Variants in ANKRD13C observed in about 807,000 individuals in gnomAD.
ANKRD13C encodes the protein ankyrin repeat domain-containing protein 13C.
ANKRD13C carries 16 observed loss-of-function variants against 65.5 expected under a neutral mutation model. The ratio of observed to expected loss-of-function variants is 0.24; its 90% CI spans 0.17 to 0.37. ANKRD13C has a LOEUF of 0.37. Ranked by LOEUF, ANKRD13C falls within the 10% of genes least tolerant of loss-of-function variation. The pLI is 1.00. For missense variants in ANKRD13C, 503 were observed against 655.9 expected (o/e 0.77, Z 2.55); for synonymous variants, 235 against 238.7 (o/e 0.98, Z 0.14).
At chr1:70,353,369 A>G (rs942170443) in intron 1 of ANKRD13C, among the ~76,000 whole-genome samples, 2 of 152,234 alleles carry the variant, frequency 1.3e-5, no homozygotes, top group East Asian at 1.9e-4. Flanking sequence ...GCAAAAAATC[A>G]AATCTCTACT....
chr1:70,272,869 T>G (rs1241308407), intron 11 of ANKRD13C, among the ~76,000 whole-genome samples: 3 of 152,026 alleles, frequency 2.0e-5, no homozygotes, highest in African/African-American at 7.2e-5. Context: ...ATGCCTGTAG[T>G]CCCAGCTAGT....
At chr1:70,299,945 T>C (rs1024829897) in intron 7 of ANKRD13C, among the ~76,000 whole-genome samples, 1 of 152,176 alleles carries the variant, frequency 6.6e-6, no homozygotes, top group African/African-American at 2.4e-5. Flanking sequence ...GGCATATCAA[T>C]GGTTTTTTAA....
intron 2 of ANKRD13C, among the ~76,000 whole-genome samples, chr1:70,333,927 T>C (rs1012886040): frequency 6.6e-6 from 1 of 152,154 alleles, no homozygotes; most frequent in African/African-American, 2.4e-5. Context: ...AATACTTCTT[T>C]ACTTAGAAGT....
chr1:70,280,849 G>A (rs1679355535), intron 9 of ANKRD13C, among the ~76,000 whole-genome samples: 3 of 152,112 alleles, frequency 2.0e-5, no homozygotes, highest in African/African-American at 7.2e-5. Context: ...GTGTATTTAG[G>A]AAGCTATCTC....
intron 3 of ANKRD13C, among the ~76,000 whole-genome samples, chr1:70,324,015 C>T (rs1343454026): frequency 3.3e-5 from 5 of 152,090 alleles, no homozygotes; most frequent in South Asian, 4.1e-4. Flanking sequence ...CGTGAGCCAC[C>T]GTGCCCAGCC....
chr1:70,325,044 T>G (rs1681470898), intron 2 of ANKRD13C, 87 bp from the exon 3 acceptor site: 18 of 859,856 alleles, frequency 2.1e-5, no homozygotes, highest in Non-Finnish European at 2.9e-5. Context: ...ATAAACCAAA[T>G]TAACATAAAT....
At chr1:70,306,579 T>C (rs1680593975) in intron 5 of ANKRD13C, among the ~76,000 whole-genome samples, 1 of 152,180 alleles carries the variant, frequency 6.6e-6, no homozygotes, top group African/African-American at 2.4e-5. Flanking sequence ...CTGCATATTA[T>C]AGATGAGTAA....
At chr1:70,323,196 T>C (rs528869040) in intron 3 of ANKRD13C, among the ~76,000 whole-genome samples, 2 of 152,294 alleles carry the variant, frequency 1.3e-5, no homozygotes, top group East Asian at 3.9e-4. Context: ...AGGATTAGTA[T>C]TGTTTCTTGC....
chr1:70,334,455 T>C (rs1038919739), intron 2 of ANKRD13C, among the ~76,000 whole-genome samples: 8 of 152,006 alleles, frequency 5.3e-5, no homozygotes, highest in Admixed American at 3.9e-4. Flanking sequence ...AGTGAGAACC[T>C]GTCTCTACAT....
intron 12 of ANKRD13C, among the ~76,000 whole-genome samples, chr1:70,263,244 T>A (rs188939310): frequency 6.6e-6 from 1 of 152,316 alleles, no homozygotes; most frequent in African/African-American, 2.4e-5. Context: ...TTTGAGCTGA[T>A]TTATTTTCAT....
intron 6 of ANKRD13C, among the ~76,000 whole-genome samples, chr1:70,302,353 C>T (rs906827858): frequency 1.3e-5 from 2 of 152,048 alleles, no homozygotes; most frequent in Admixed American, 1.3e-4. Flanking sequence ...TGAATTCTAG[C>T]TTTTAGTCCA....
rs1572000285 is a variant in ANKRD13C, at chr1:70,260,196, C to G, written c.*2521G>C. Among the ~76,000 whole-genome samples, 1 of 152,078 alleles carries G rather than the reference C, an allele frequency of 6.6e-6. No individual in the cohort carries two copies. Among genetic ancestry groups the G allele is most frequent in the East Asian group, 1.9e-4 (1 of 5,192 alleles). On this transcript the variant is annotated 3_prime_UTR_variant, in exon 13 of 13. Coordinates refer to ENST00000370944, the MANE Select transcript of ANKRD13C (RefSeq NM_030816.5). Reference sequence around the variant, plus strand: ...AACCATCATCTGTACTTCTTATACTCACAAAAATCAGGGCATCTACTTCAT... The same window carrying G: ...AACCATCATCTGTACTTCTTATACTGACAAAAATCAGGGCATCTACTTCAT...
chr1:70,299,155 G>A (rs1167245642), intron 7 of ANKRD13C, among the ~76,000 whole-genome samples: 1 of 152,080 alleles, frequency 6.6e-6, no homozygotes, highest in Non-Finnish European at 1.5e-5. Context: ...ACAGGTGTGA[G>A]GGTGCAAAAA....
At chr1:70,325,009 C>CT in intron 2 of ANKRD13C, 52 bp from the exon 3 acceptor site, 4 of 1,252,644 alleles carry the variant, frequency 3.2e-6, no homozygotes, top group Non-Finnish European at 4.5e-6. Flanking sequence ...TTTAGAATCT[C>CT]TAAATATAAA....
intron 1 of ANKRD13C, among the ~76,000 whole-genome samples, chr1:70,348,331 T>G (rs1480571822): frequency 6.6e-6 from 1 of 151,724 alleles, no homozygotes; most frequent in Non-Finnish European, 1.5e-5. Flanking sequence ...CAAGCTGGAG[T>G]GCAATAGTGC....
intron 3 of ANKRD13C, among the ~76,000 whole-genome samples, chr1:70,324,243 A>AT (rs1681438866): frequency 6.6e-6 from 1 of 152,196 alleles, no homozygotes; most frequent in African/African-American, 2.4e-5. Context: ...ATTCATCCAG[A>AT]TTAAGTTTTG....
At chr1:70,320,973 G>A (rs1203161180) in intron 3 of ANKRD13C, among the ~76,000 whole-genome samples, 2 of 151,184 alleles carry the variant, frequency 1.3e-5, no homozygotes, top group Non-Finnish European at 2.9e-5. Context: ...ACTTTTTGTA[G>A]TGTTGGGGTC....
chr1:70,309,114 C>T (rs1680724450), intron 5 of ANKRD13C, among the ~76,000 whole-genome samples: 1 of 151,124 alleles, frequency 6.6e-6, no homozygotes, highest in East Asian at 2.0e-4. Flanking sequence ...GCAATCTCAG[C>T]TTACTACAAA....
chr1:70,334,427 TTC>T (rs1350630411), intron 2 of ANKRD13C, among the ~76,000 whole-genome samples: 5 of 151,676 alleles, frequency 3.3e-5, no homozygotes, highest in Non-Finnish European at 5.9e-5. Context: ...ACAAAACAAG[TTC>T]AAGCCAGGGC....
Sources: allele counts gnomAD v4.1 joint callset (sites outside exome capture counted in the v4.1 genomes callset), GRCh38; gene constraint gnomAD v4.1.1; transcripts MANE v1.5; gene names NCBI Gene and HGNC (gene_info 2026-07-23, HGNC 2026-07-21).